CCDC144A: variants seen among roughly 807,000 people sequenced by gnomAD.
CCDC144A encodes coiled-coil domain-containing protein 144A.
CCDC144A carries 41 observed loss-of-function variants against 143.8 expected under a neutral mutation model. The observed-to-expected ratio is 0.29, with a 90% CI of 0.22 to 0.37. The LOEUF is 0.37. Ranked by LOEUF, CCDC144A falls within the 10% of genes least tolerant of loss-of-function variation. The pLI is 1.00. For synonymous variants in CCDC144A, 242 were observed against 517.9 expected, an observed-to-expected ratio of 0.47 and a Z score of 7.23; for missense variants, 637 against 1,488.8, an observed-to-expected ratio of 0.43 and a Z score of 9.41.
the CCDC144A span, among the ~76,000 whole-genome samples, chr17:16,676,906 C>T: frequency 6.6e-6 from 1 of 152,052 alleles, no homozygotes; most frequent in Admixed American, 6.6e-5. Context: ...TTTTCAAACT[C>T]TGCTGTGTTG....
intron 9 of CCDC144A, among the ~76,000 whole-genome samples, chr17:16,729,919 G>A (rs1464491541): frequency 2.8e-5 from 4 of 140,356 alleles, no homozygotes; most frequent in Admixed American, 2.2e-4. Flanking sequence ...ATTTTAGTGC[G>A]CCCATCACCT....
Position 16,753,912 on chromosome 17 carries a change from G to C in CCDC144A, c.3373-7513G>C, listed in dbSNP as rs572785940. 7.2e-5 allele frequency among the ~76,000 whole-genome samples: 11 copies of C among 152,366 alleles called. No homozygotes were observed. In the East Asian group the frequency reaches 2.1e-3, roughly 29 times the overall value. On this transcript the variant is annotated intron_variant, in intron 12 of 16. Coordinates refer to ENST00000399273, the MANE Select transcript of CCDC144A (RefSeq NM_001382000.1). The stretch of plus-strand genomic sequence containing the variant: ...TTGGAATAATTTATGAAAAATTGGT[G>C]TTAGTTTTTCCTTAAAAGTTTAGTA...
intron 6 of CCDC144A, among the ~76,000 whole-genome samples, chr17:16,717,861 G>C (rs191306964): frequency 6.6e-6 from 1 of 151,980 alleles, no homozygotes; most frequent in Admixed American, 6.5e-5. Context: ...GTGGTTCTGC[G>C]TTACATATGA....
At position 16,708,971 on chromosome 17, in the gene CCDC144A, T is replaced by C. The variant is rs1912218587; in HGVS notation, c.914T>C (p.Ile305Thr). 7 of 1,611,488 alleles carry C rather than the reference T, an allele frequency of 4.3e-6. No homozygotes were observed. The East Asian group carries it at 1.6e-4, about 36-fold the overall frequency. ...GAGTTAAAGCAGAGGTTTGGTGAAA[T>C]TTATGAAAAATACAAAATTCCGGCT... The part of the protein sequence containing the change: ...INELKQRFGE[I>T]YEKYKIPACP... Residue 305 changes from isoleucine to threonine, a missense_variant, in exon 5 of 17, where the codon ATT (isoleucine) becomes ACT (threonine). Transcript: ENST00000399273.
intron 5 of CCDC144A, chr17:16,710,338 G>A (rs1174820334): frequency 1.3e-5 from 2 of 150,442 alleles, no homozygotes; most frequent in African/African-American, 4.9e-5. Context: ...TCCAGCCTGG[G>A]CAACGTAGTG....
At chr17:16,759,959 A>T (rs1915285462) in intron 12 of CCDC144A, among the ~76,000 whole-genome samples, 1 of 152,172 alleles carries the variant, frequency 6.6e-6, no homozygotes, top group Admixed American at 6.5e-5. Flanking sequence ...GGGGACTAGA[A>T]TCATCTAAAG....
chr17:16,712,455 A>C (rs1400154357), intron 6 of CCDC144A, among the ~76,000 whole-genome samples: 5 of 152,142 alleles, frequency 3.3e-5, no homozygotes, highest in Non-Finnish European at 7.4e-5. Flanking sequence ...TCACTTCTTT[A>C]ACCTAACAAC....
the CCDC144A span, among the ~76,000 whole-genome samples, chr17:16,667,347 A>G: frequency 4.8e-4 from 58 of 119,768 alleles, no homozygotes; most frequent in East Asian, 5.3e-3. Context: ...GCGGCTGAGG[A>G]GCTGAGGGGC....
chr17:16,729,476 T>C (rs549056910), intron 9 of CCDC144A, among the ~76,000 whole-genome samples: 23 of 152,360 alleles, frequency 1.5e-4, no homozygotes, highest in Admixed American at 9.8e-4. Flanking sequence ...CTTTGTCAGA[T>C]GCATAGTTTG....
At chr17:16,707,327 A>C (rs1912119736) in intron 3 of CCDC144A, 142 bp from the exon 4 acceptor site, 1 of 557,036 alleles carries the variant, frequency 1.8e-6, no homozygotes, top group Non-Finnish European at 3.2e-6. Flanking sequence ...TAAAGAAGTA[A>C]GTATTCCACT....
At chr17:16,746,622 T>C (rs936037707) in intron 12 of CCDC144A, 3 of 1,613,050 alleles carry the variant, frequency 1.9e-6, no homozygotes, top group East Asian at 2.2e-5. Context: ...CTAAAATTAA[T>C]GTATGCTCTT....
At position 16,755,886 on chromosome 17, in the gene CCDC144A, C is replaced by G. The variant is rs1190197859; in HGVS notation, c.3373-5539C>G. Among the ~76,000 whole-genome samples, 3 of 152,268 alleles carry G rather than the reference C, an allele frequency of 2.0e-5. No homozygotes were observed. In the East Asian group the frequency reaches 5.8e-4, roughly 29 times the overall value. ...CCTCTTTTTCAGTTTTAAAGGATAG[C>G]TTTGCTAGGTATAATATTCTTGACA... On this transcript the variant is annotated intron_variant, in intron 12 of 16. Transcript: ENST00000399273.
At chr17:16,676,571 C>T in the CCDC144A span, among the ~76,000 whole-genome samples, 1 of 151,420 alleles carries the variant, frequency 6.6e-6, no homozygotes, top group African/African-American at 2.4e-5. Context: ...TTAGAAATAG[C>T]ATTTTGACTT....
At chr17:16,667,328 G>A in the CCDC144A span, among the ~76,000 whole-genome samples, 1 of 145,524 alleles carries the variant, frequency 6.9e-6, no homozygotes, top group Non-Finnish European at 1.5e-5. Flanking sequence ...GGAGGCTGAG[G>A]AGGCTGAGGC....
chr17:16,715,830 T>G (rs1301073002), intron 6 of CCDC144A, among the ~76,000 whole-genome samples: 1 of 152,164 alleles, frequency 6.6e-6, no homozygotes, highest in Non-Finnish European at 1.5e-5. Flanking sequence ...GCTATCTGAG[T>G]GAGGCTGCTG....
intron 2 of CCDC144A, among the ~76,000 whole-genome samples, chr17:16,698,681 C>T (rs1911554109): frequency 6.6e-6 from 1 of 152,080 alleles, no homozygotes; most frequent in Non-Finnish European, 1.5e-5. Context: ...GAATGCATTC[C>T]CAAACAAACA....
the CCDC144A span, chr17:16,683,775 G>C: frequency 1.3e-6 from 2 of 1,484,674 alleles, no homozygotes; most frequent in Admixed American, 3.3e-5. Flanking sequence ...AGAGCCATAT[G>C]CAAGCACATG....
At chr17:16,719,136 GT>G (rs1216947787) in intron 6 of CCDC144A, among the ~76,000 whole-genome samples, 3 of 151,226 alleles carry the variant, frequency 2.0e-5, no homozygotes, top group East Asian at 3.9e-4. Flanking sequence ...GGCCTATAAA[GT>G]TTTTTTAAAA....
At chr17:16,748,224 G>A (rs1914626621) in intron 12 of CCDC144A, among the ~76,000 whole-genome samples, 1 of 152,018 alleles carries the variant, frequency 6.6e-6, no homozygotes, top group Non-Finnish European at 1.5e-5. Flanking sequence ...TTTTAGCTGT[G>A]GGTTTGTTAT....
Sources: allele counts gnomAD v4.1 joint callset (sites outside exome capture counted in the v4.1 genomes callset), GRCh38; gene constraint gnomAD v4.1.1; transcripts MANE v1.5; gene names NCBI Gene and HGNC (gene_info 2026-07-23, HGNC 2026-07-21).